Variants in GSK3B observed in about 807,000 individuals in gnomAD.
GSK3B encodes glycogen synthase kinase-3 beta.
In GSK3B, 15 loss-of-function variants were observed where a neutral mutation model predicts 56.4. That is an observed-to-expected ratio of 0.27 (90% CI 0.18 to 0.41). The LOEUF is 0.41. GSK3B is among the 10% of genes least tolerant of loss of function. The pLI, the probability that GSK3B is intolerant of heterozygous loss-of-function variation, is 1.00. For synonymous variants in GSK3B, 181 were observed against 188.9 expected, an observed-to-expected ratio of 0.96 and a Z score of 0.34; for missense variants, 300 against 513.4, an observed-to-expected ratio of 0.58 and a Z score of 4.02.
intron 1 of GSK3B, among the ~76,000 whole-genome samples, chr3:120,014,593 G>A (rs1294921718): frequency 6.6e-6 from 1 of 152,162 alleles, no homozygotes; most frequent in Non-Finnish European, 1.5e-5. Context: ...ATGATCAACA[G>A]CAGGATAAAA....
intron 7 of GSK3B, among the ~76,000 whole-genome samples, chr3:119,894,028 T>C (rs563578365): frequency 6.6e-6 from 1 of 152,270 alleles, no homozygotes; most frequent in South Asian, 2.1e-4. Flanking sequence ...CCTGTATCCA[T>C]GAGCCATCAT....
At chr3:119,960,151 C>CAAAAAAAA (rs574956694) in intron 2 of GSK3B, among the ~76,000 whole-genome samples, 10 of 74,618 alleles carry the variant, frequency 1.3e-4, no homozygotes, top group South Asian at 5.8e-4. Flanking sequence ...TATGCTGAGA[C>CAAAAAAAA]AAAAAAAAAA....
At chr3:119,943,545 T>C (rs1364323690) in intron 3 of GSK3B, among the ~76,000 whole-genome samples, 2 of 152,128 alleles carry the variant, frequency 1.3e-5, no homozygotes, top group Non-Finnish European at 2.9e-5. Context: ...ATTTAGTTGT[T>C]TTCCTTAACA....
At chr3:119,874,211 G>C (rs558744731) in intron 8 of GSK3B, among the ~76,000 whole-genome samples, 77 of 152,092 alleles carry the variant, frequency 5.1e-4, no homozygotes, top group African/African-American at 1.8e-3. Flanking sequence ...TAAATACAGT[G>C]TCCCCTCCCT....
At chr3:119,995,801 A>C (rs1378959652) in intron 2 of GSK3B, among the ~76,000 whole-genome samples, 5 of 147,924 alleles carry the variant, frequency 3.4e-5, no homozygotes, top group African/African-American at 7.6e-5. Context: ...GCAGTGGCGC[A>C]ATCTTGGCTC....
At chr3:120,010,038 AAG>A (rs1319969429) in intron 1 of GSK3B, among the ~76,000 whole-genome samples, 1 of 152,164 alleles carries the variant, frequency 6.6e-6, no homozygotes, top group Non-Finnish European at 1.5e-5. Context: ...TGTGAAAAGA[AAG>A]AACTCAAATC....
chr3:119,912,686 A>G lies in GSK3B; in HGVS notation c.715+18T>C, dbSNP rs1477650230. The G allele has an allele frequency of 1.9e-6, 2 of 1,058,092 alleles. No homozygotes were observed. The highest frequency in any genetic ancestry group is 3.1e-5 in the African/African-American group (2 of 64,024). The allele number at this position is 1,058,092 out of a possible 1,614,324, so 65.5% of individuals were successfully genotyped here. On this transcript the variant is annotated intron_variant, in intron 6 of 10. Coordinates refer to ENST00000264235, the MANE Select transcript of GSK3B (RefSeq NM_001146156.2). ...AGCAATTAATAATTATGAGCATTAT[A>G]TTCAGATTTGTACTTACCTATACTA...
chr3:119,985,088 A>C (rs1422418014), intron 2 of GSK3B, among the ~76,000 whole-genome samples: 1 of 152,154 alleles, frequency 6.6e-6, no homozygotes, highest in Non-Finnish European at 1.5e-5. Flanking sequence ...AAAGACAAAA[A>C]CCACATGATT....
intron 1 of GSK3B, among the ~76,000 whole-genome samples, chr3:120,007,314 C>T (rs2057738366): frequency 1.3e-5 from 2 of 152,060 alleles, no homozygotes; most frequent in African/African-American, 2.4e-5. Context: ...AATTCACAGC[C>T]GAATTCTACC....
At chr3:119,921,199 C>T (rs552717421) in intron 4 of GSK3B, among the ~76,000 whole-genome samples, 7 of 152,188 alleles carry the variant, frequency 4.6e-5, no homozygotes, top group South Asian at 2.1e-4. Context: ...TATAAATTTT[C>T]GTAAATAAAG....
intron 2 of GSK3B, among the ~76,000 whole-genome samples, chr3:119,968,897 T>C (rs1196496517): frequency 1.3e-5 from 2 of 152,228 alleles, no homozygotes; most frequent in South Asian, 2.1e-4. Flanking sequence ...AAGTCAACTG[T>C]ATTCTCATAT....
At chr3:119,928,243 T>A (rs1285789510) in intron 3 of GSK3B, among the ~76,000 whole-genome samples, 1 of 152,200 alleles carries the variant, frequency 6.6e-6, no homozygotes, top group African/African-American at 2.4e-5. Context: ...TTGTTTGCAC[T>A]TTTTACTGGC....
At chr3:119,884,644 A>G (rs1235260096) in intron 7 of GSK3B, among the ~76,000 whole-genome samples, 1 of 151,904 alleles carries the variant, frequency 6.6e-6, no homozygotes, top group Non-Finnish European at 1.5e-5. Flanking sequence ...AAAACAAGGA[A>G]GAGTTTTTAC....
intron 1 of GSK3B, among the ~76,000 whole-genome samples, chr3:120,047,357 A>G (rs1484006339): frequency 1.3e-5 from 2 of 152,222 alleles, no homozygotes; most frequent in African/African-American, 4.8e-5. Context: ...GGCAATCCAG[A>G]TAGATAGGCT....
rs1323457100 is a variant in GSK3B at position 119,947,251 on chromosome 3, C to G, written c.366+17G>C. On this transcript the variant is annotated intron_variant, in intron 3 of 10. Coordinates refer to ENST00000264235, the MANE Select transcript of GSK3B (RefSeq NM_001146156.2). ...AATTTATCACAATATTCAGTACACA[C>G]TTTGTGTCAAACCTACCTTCTCACC... 1.5e-6 allele frequency: 2 copies of G among 1,356,562 alleles called. No homozygotes were observed. The highest frequency in any genetic ancestry group is 2.1e-6 in the Non-Finnish European group (2 of 945,664). The allele number at this position is 1,356,562 out of a possible 1,614,324, so 84.0% of individuals were successfully genotyped here. A position where few individuals can be genotyped will look rare whatever the true frequency, so the allele number is the denominator to read the frequency against.
intron 1 of GSK3B, among the ~76,000 whole-genome samples, chr3:120,049,010 C>G (rs1461369642): frequency 6.6e-6 from 1 of 152,146 alleles, no homozygotes; most frequent in Non-Finnish European, 1.5e-5. Flanking sequence ...AAGTTAGTAG[C>G]TAAGGCAAAT....
At chr3:119,994,650 A>T (rs2057597807) in intron 2 of GSK3B, among the ~76,000 whole-genome samples, 1 of 152,188 alleles carries the variant, frequency 6.6e-6, no homozygotes, top group Non-Finnish European at 1.5e-5. Flanking sequence ...TTTCAATGAC[A>T]TTCTTTCCAA....
At chr3:119,851,865 C>T (rs983971777) in intron 9 of GSK3B, among the ~76,000 whole-genome samples, 2 of 152,112 alleles carry the variant, frequency 1.3e-5, no homozygotes, top group African/African-American at 4.8e-5. Flanking sequence ...AATGGAGTGC[C>T]CCCATTACAT....
At chr3:119,926,367 C>G (rs1211663994) in intron 3 of GSK3B, among the ~76,000 whole-genome samples, 1 of 151,632 alleles carries the variant, frequency 6.6e-6, no homozygotes, top group African/African-American at 2.4e-5. Flanking sequence ...CCTATACCCA[C>G]ACATACACCC....
Sources: allele counts gnomAD v4.1 joint callset (sites outside exome capture counted in the v4.1 genomes callset), GRCh38; gene constraint gnomAD v4.1.1; transcripts MANE v1.5; gene names NCBI Gene and HGNC (gene_info 2026-07-23, HGNC 2026-07-21).